Variants in FHOD3 observed in about 807,000 individuals in gnomAD.
The protein encoded by FHOD3 is formin homology 2 domain containing 3, also known as FH1/FH2 domain-containing protein 3.
A neutral mutation model predicts 173.0 loss-of-function variants in FHOD3; 90 were observed. The observed-to-expected ratio is 0.52, with a 90% CI of 0.44 to 0.62. The LOEUF (loss-of-function observed/expected upper bound fraction) is 0.62, where lower values mean the gene tolerates loss of function less well. Ranked by LOEUF, FHOD3 falls within the 20% of genes least tolerant of loss-of-function variation. FHOD3 has a pLI of 0.00. For missense variants in FHOD3, 1,945 were observed against 2,034.7 expected (o/e 0.96, Z 0.85); for synonymous variants, 828 against 823.0 (o/e 1.01, Z -0.10).
At chr18:36,737,278 G>A (rs114453136) in intron 20 of FHOD3, among the ~76,000 whole-genome samples, 2 of 152,348 alleles carry the variant, frequency 1.3e-5, no homozygotes, top group African/African-American at 4.8e-5. Context: ...TCTTCTGAAG[G>A]TTGTACAAAG....
At chr18:36,543,354 A>G (rs556498043) in intron 5 of FHOD3, among the ~76,000 whole-genome samples, 336 of 152,236 alleles carry the variant, frequency 2.2e-3, no homozygotes, top group African/African-American at 7.8e-3. Flanking sequence ...TCTCAGGAAA[A>G]TCTTGACTAA....
At chr18:36,370,990 G>A (rs1209922279) in intron 2 of FHOD3, among the ~76,000 whole-genome samples, 2 of 152,228 alleles carry the variant, frequency 1.3e-5, no homozygotes, top group Non-Finnish European at 2.9e-5. Flanking sequence ...TTTTGAGAGT[G>A]AGAGTTTTTT....
chr18:36,634,885 A>G (rs2034773644), intron 10 of FHOD3, among the ~76,000 whole-genome samples: 1 of 152,244 alleles, frequency 6.6e-6, no homozygotes, highest in Non-Finnish European at 1.5e-5. Context: ...GTGCACCCGC[A>G]TAAACATGCT....
At chr18:36,629,647 T>C (rs924864862) in intron 10 of FHOD3, among the ~76,000 whole-genome samples, 1 of 152,188 alleles carries the variant, frequency 6.6e-6, no homozygotes, top group South Asian at 2.1e-4. Flanking sequence ...GAATATTCCA[T>C]GAAGAGATAG....
chr18:36,647,075 A>T (rs2035738123), intron 10 of FHOD3, among the ~76,000 whole-genome samples: 2 of 152,136 alleles, frequency 1.3e-5, no homozygotes, highest in African/African-American at 4.8e-5. Flanking sequence ...CGTCTCTACT[A>T]AATAATAATA....
At chr18:36,377,941 G>A (rs527914204) in intron 3 of FHOD3, among the ~76,000 whole-genome samples, 1 of 152,220 alleles carries the variant, frequency 6.6e-6, no homozygotes, top group Non-Finnish European at 1.5e-5. Flanking sequence ...CCTCTACCAT[G>A]CAGCTTAGAT....
At chr18:36,357,202 G>T (rs1012064182) in intron 2 of FHOD3, among the ~76,000 whole-genome samples, 1 of 152,198 alleles carries the variant, frequency 6.6e-6, no homozygotes, top group African/African-American at 2.4e-5. Flanking sequence ...TTTGACTTCA[G>T]TATGTACTGA....
intron 3 of FHOD3, among the ~76,000 whole-genome samples, chr18:36,463,805 T>C (rs2052740860): frequency 6.6e-6 from 1 of 152,230 alleles, no homozygotes; most frequent in South Asian, 2.1e-4. Context: ...AAGTGCCAAT[T>C]TATTTGCAGA....
At chr18:36,461,835 A>G (rs1322605660) in intron 3 of FHOD3, among the ~76,000 whole-genome samples, 1 of 152,144 alleles carries the variant, frequency 6.6e-6, no homozygotes, top group African/African-American at 2.4e-5. Context: ...GATGTAGTGG[A>G]AAGAGTATGG....
intron 1 of FHOD3, among the ~76,000 whole-genome samples, chr18:36,339,546 G>A (rs1013191111): frequency 1.2e-4 from 19 of 152,220 alleles, no homozygotes; most frequent in Admixed American, 1.2e-3. Context: ...CAGTGGAGCA[G>A]GTGCTAGGGG....
rs1178621927 is a variant in FHOD3 at position 36,539,247 on chromosome 18, C to G, written c.511+26704C>G. Among the ~76,000 whole-genome samples, 10 of 152,150 alleles carry G rather than the reference C, an allele frequency of 6.6e-5. 1 individual carries two copies. Among genetic ancestry groups the G allele is most frequent in the Admixed American group, 5.9e-4 (9 of 15,276 alleles). ...TGAATTCATTCTGTATTCAGTACTA[C>G]ATACTATATTCTATAGACTGAGTTG... On this transcript the variant is annotated intron_variant, in intron 5 of 28. Transcript: ENST00000590592.
At chr18:36,574,565 A>G (rs1225639726) in intron 5 of FHOD3, among the ~76,000 whole-genome samples, 2 of 152,162 alleles carry the variant, frequency 1.3e-5, no homozygotes, top group African/African-American at 2.4e-5. Flanking sequence ...TGCTGCATAC[A>G]GATTTCTCAT....
chr18:36,619,588 A>G (rs373745220), intron 9 of FHOD3, among the ~76,000 whole-genome samples: 12 of 152,188 alleles, frequency 7.9e-5, no homozygotes, highest in Non-Finnish European at 1.6e-4. Context: ...GTATTGCACT[A>G]TCTTCCTATT....
chr18:36,739,575 G>A (rs896715213), intron 20 of FHOD3, among the ~76,000 whole-genome samples: 12 of 152,150 alleles, frequency 7.9e-5, no homozygotes, highest in Non-Finnish European at 1.5e-4. Context: ...TCTTGTCTGC[G>A]TTGAGTCTTT....
At chr18:36,468,286 T>C (rs2053067500) in intron 3 of FHOD3, among the ~76,000 whole-genome samples, 1 of 152,128 alleles carries the variant, frequency 6.6e-6, no homozygotes, top group South Asian at 2.1e-4. Flanking sequence ...GCCTGGGTAA[T>C]GCTGCCTGGA....
chr18:36,378,104 G>C (rs534004534), intron 3 of FHOD3, among the ~76,000 whole-genome samples: 1 of 152,226 alleles, frequency 6.6e-6, no homozygotes, highest in Non-Finnish European at 1.5e-5. Context: ...AGGATCCTCT[G>C]ATTCTCCAGA....
chr18:36,365,054 G>A (rs1861615614), intron 2 of FHOD3, among the ~76,000 whole-genome samples: 1 of 152,118 alleles, frequency 6.6e-6, no homozygotes, highest in African/African-American at 2.4e-5. Flanking sequence ...AAGAGAATGA[G>A]CTAATCAAGA....
intron 3 of FHOD3, among the ~76,000 whole-genome samples, chr18:36,500,935 T>G (rs1261946667): frequency 6.6e-6 from 1 of 152,186 alleles, no homozygotes; most frequent in Non-Finnish European, 1.5e-5. Flanking sequence ...CTAAGCGGGA[T>G]GTGTGCTCCT....
chr18:36,516,102 A>G (rs2055958201), intron 5 of FHOD3, among the ~76,000 whole-genome samples: 1 of 152,120 alleles, frequency 6.6e-6, no homozygotes, highest in Non-Finnish European at 1.5e-5. Context: ...ACTTTGAACA[A>G]TTTCTCACGT....
Sources: gnomAD v4.1 joint callset for allele counts (sites outside exome capture counted in the v4.1 genomes callset) on GRCh38, gnomAD v4.1.1 for gene constraint, MANE v1.5 for transcripts, NCBI Gene and HGNC (gene_info 2026-07-23, HGNC 2026-07-21) for gene names.